Variants in NPAS1 observed in about 807,000 individuals in gnomAD.
The protein encoded by NPAS1 is neuronal PAS domain-containing protein 1.
NPAS1 carries 29 observed loss-of-function variants against 49.2 expected under a neutral mutation model. That is an observed-to-expected ratio of 0.59 (90% CI 0.44 to 0.80). NPAS1 has a LOEUF of 0.80. Among genes scored for constraint, NPAS1 ranks in the 30% least tolerant of loss-of-function variants. The pLI is 0.00. For missense variants in NPAS1, 825 were observed against 835.5 expected, an observed-to-expected ratio of 0.99 and a Z score of 0.15; for synonymous variants, 408 against 380.4, an observed-to-expected ratio of 1.07 and a Z score of -0.84.
Position 47,036,041 on chromosome 19 carries a change from G to A in NPAS1, c.600G>A (p.Leu200=), listed in dbSNP as rs1364361385. The A allele has an allele frequency of 1.9e-6, 3 of 1,605,514 alleles. No individual in the cohort carries two copies. The highest frequency in any genetic ancestry group is 1.7e-5 in the Admixed American group (1 of 58,960). The change falls in exon 6 of 12, where the codon CTG becomes CTA. Residue 200 remains leucine (L), a synonymous_variant. Coordinates refer to ENST00000602212, the MANE Select transcript of NPAS1 (RefSeq NM_002517.4). ...CAGAGGTGCTGGAGCAACTGGGGCT[G>A]CGGACGCCGACGCCCGGCCCCCCAA... ...DHSEVLEQLG[L]RTPTPGPPTP...
rs1475973782 is a variant in NPAS1, at chr19:47,045,364, T to A, written c.1486T>A (p.Ser496Thr). Residue 496 changes from serine (S) to threonine (T), a missense_variant, in exon 12 of 12, where the codon TCT (serine) becomes ACT (threonine). Ser to Thr is a moderately conservative substitution (Grantham distance 58). Coordinates refer to ENST00000602212, the MANE Select transcript of NPAS1 (RefSeq NM_002517.4). ...GGCCACACCGAGGCCCGAGTTCACC[T>A]CTGTCATCCGGGCAGGGGTCCTGAA... is the stretch of plus-strand genomic sequence containing the variant. ...HPATPRPEFT[S>T]VIRAGVLKQD... 6.2e-7 allele frequency: 1 copy of A among 1,613,594 alleles called. No individual in the cohort carries two copies. Among genetic ancestry groups the A allele is most frequent in the Non-Finnish European group, 8.5e-7 (1 of 1,179,926 alleles).
intron 6 of NPAS1, among the ~76,000 whole-genome samples, chr19:47,038,151 T>C (rs1311310987): frequency 6.6e-6 from 1 of 152,172 alleles, no homozygotes; most frequent in African/African-American, 2.4e-5. Context: ...AGAGGTGGGC[T>C]TTCCTCTCAA....
chr19:47,025,639 G>A (rs1387720621), intron 3 of NPAS1, among the ~76,000 whole-genome samples: 3 of 152,034 alleles, frequency 2.0e-5, no homozygotes, highest in Non-Finnish European at 2.9e-5. Context: ...GCAGTGGTGC[G>A]ATCTTGGCTC....
At chr19:47,024,143 C>T (rs189663656) in intron 3 of NPAS1, among the ~76,000 whole-genome samples, 11 of 151,836 alleles carry the variant, frequency 7.2e-5, no homozygotes, top group Admixed American at 3.3e-4. Context: ...ATAAATTAGC[C>T]AGGTTTGGTG....
intron 5 of NPAS1, chr19:47,035,496 T>C (rs979957327): frequency 6.4e-6 from 1 of 156,338 alleles, no homozygotes; most frequent in African/African-American, 2.4e-5. Flanking sequence ...GGAGAGAGAT[T>C]TACGGGTAGA....
rs550801579 is a variant in NPAS1 at position 47,039,909 on chromosome 19, G to A, written c.962+345G>A. On this transcript the variant is annotated intron_variant, in intron 8 of 11. Coordinates refer to ENST00000602212, the MANE Select transcript of NPAS1 (RefSeq NM_002517.4). ...TTCCTCTCCTGCATCCCGCAGTGGAGGCAAATTAAGTGCTGAAATAGTCCC... is the reference window on the plus strand; with the variant it reads ...TTCCTCTCCTGCATCCCGCAGTGGAAGCAAATTAAGTGCTGAAATAGTCCC... Among the ~76,000 whole-genome samples, 9 of 148,544 alleles carry A rather than the reference G, an allele frequency of 6.1e-5. No homozygotes were observed. In the East Asian group the frequency reaches 1.9e-3, roughly 31 times the overall value.
intron 3 of NPAS1, among the ~76,000 whole-genome samples, chr19:47,027,305 G>GCTT: frequency 7.1e-6 from 1 of 139,988 alleles, no homozygotes; most frequent in Non-Finnish European, 1.6e-5. Context: ...AGAGGCCTTG[G>GCTT]CTTCTGCCTT....
In NPAS1 at chr19:47,042,897, GC is replaced by G; in HGVS notation, c.1308del (p.Thr437GlnfsTer67). 1 of 1,594,856 alleles carries G rather than the reference GC, an allele frequency of 6.3e-7. No homozygotes were observed. Among genetic ancestry groups the G allele is most frequent in the Admixed American group, 1.7e-5 (1 of 57,704 alleles). On this transcript the variant is annotated frameshift_variant, in exon 11 of 12. Coordinates refer to ENST00000602212, the MANE Select transcript of NPAS1 (RefSeq NM_002517.4). LOFTEE classifies it low-confidence loss of function (END_TRUNC). Reference sequence around the variant, plus strand: ...AGGAGGCATCCAGCCCGGGGCCAGAGCCCACAGGTGAGCCCCACCTCCCACC... The same window carrying G: ...AGGAGGCATCCAGCCCGGGGCCAGAGCCACAGGTGAGCCCCACCTCCCACC... The part of the protein sequence containing the change: ...CEEASSPGPE[P>X]TEPEPPTEGK...
intron 3 of NPAS1, among the ~76,000 whole-genome samples, chr19:47,029,924 A>G (rs1166433515): frequency 6.6e-6 from 1 of 152,248 alleles, no homozygotes; most frequent in Non-Finnish European, 1.5e-5. Context: ...CAGTGGCTGT[A>G]CAATTTTACA....
At chr19:47,036,717 CAA>C (rs57439342) in intron 6 of NPAS1, among the ~76,000 whole-genome samples, 26 of 131,118 alleles carry the variant, frequency 2.0e-4, no homozygotes, top group South Asian at 2.4e-4. Flanking sequence ...ACTAAAAATA[CAA>C]AAAAAAAAAA....
rs1265737005 is a variant in NPAS1 at position 47,021,058 on chromosome 19, C to T, written c.11C>T (p.Pro4Leu). The T allele has an allele frequency of 1.2e-6, 2 of 1,606,332 alleles. No individual in the cohort carries two copies. Among genetic ancestry groups the T allele is most frequent in the Non-Finnish European group, 1.7e-6 (2 of 1,177,460 alleles). The change falls in exon 2 of 12, where the codon CCC becomes CTC. Residue 4 changes from proline (P) to leucine (L), a missense_variant. By Grantham distance (98) the Pro-to-Leu change is moderately conservative. Transcript: ENST00000602212. This position sits in a 1 kb window ranked among gnomAD's most constrained non-coding sequence, Gnocchi z 5.7. ...GCGAGCCCCCCGGAGATGGCGGCCC[C>T]CTATCCCGGCAGTGGCGGCGGAAGC... Reference protein sequence around the residue: MAAPYPGSGGGSEV... With the variant: MAALYPGSGGGSEV...
At chr19:47,040,847 C>T in intron 9 of NPAS1, 131 bp from the exon 10 acceptor site, 1 of 767,172 alleles carries the variant, frequency 1.3e-6, no homozygotes, top group East Asian at 2.9e-5. Context: ...TCACCTTTTT[C>T]TCTTCTCCCC....
intron 11 of NPAS1, 106 bp from the exon 12 acceptor site, chr19:47,045,085 C>T (rs1227346754): frequency 8.3e-6 from 9 of 1,078,682 alleles, no homozygotes; most frequent in Non-Finnish European, 9.4e-6. Flanking sequence ...AACCCCACTC[C>T]CAGCTGAGAA....
In NPAS1 at chr19:47,021,162, G is replaced by T; in HGVS notation, c.115G>T (p.Gly39Ter). The T allele has an allele frequency of 6.3e-7, 1 of 1,582,844 alleles. No individual in the cohort carries two copies. Among genetic ancestry groups the T allele is most frequent in the Non-Finnish European group, 8.6e-7 (1 of 1,166,602 alleles). Residue 39 changes from glycine to a stop codon, truncating the protein, a stop_gained, in exon 2 of 12, where the codon GGA (glycine) becomes TGA (stop). Transcript: ENST00000602212. LOFTEE classifies it high-confidence loss of function. The surrounding 1 kb of genome is among the most constrained non-coding windows in gnomAD (Gnocchi z 5.7). ...LPGLMVKAPS[G>*]PCLQAQRKEK... ...CGGGCTGATGGTCAAGGCGCCGTCC[G>T]GACCGTGGTGAGCAAAGCCCCGCCC...
At position 47,021,506 on chromosome 19, in the gene NPAS1, A is replaced by G. The variant is rs1233553901; in HGVS notation, c.123-106A>G. On this transcript the variant is annotated intron_variant, in intron 2 of 11. Transcript: ENST00000602212. The surrounding 1 kb of genome is among the most constrained non-coding windows in gnomAD (Gnocchi z 5.7). ...TCCAGAGATGTGGAATCCACTCCCA[A>G]CGTCCCGTCCCGTTCCCAAGGCCCC... 1.5e-5 allele frequency: 11 copies of G among 735,436 alleles called. No individual in the cohort carries two copies. The East Asian group carries it at 1.9e-4, about 13-fold the overall frequency. 45.6% of individuals were successfully genotyped at this position (735,436 alleles called of 1,614,324 possible).
rs534971289 is a variant in NPAS1 at position 47,026,720 on chromosome 19, C to T, written c.358+4873C>T. The stretch of plus-strand genomic sequence containing the variant: ...CTGTAATCCCAGCACTTTGTGAGGC[C>T]GAGGCAGGTGGATCACCTGAGGTCA... On this transcript the variant is annotated intron_variant, in intron 3 of 11. Coordinates refer to ENST00000602212, the MANE Select transcript of NPAS1 (RefSeq NM_002517.4). Among the ~76,000 whole-genome samples the T allele has an allele frequency of 7.9e-5, 12 of 151,954 alleles. No individual in the cohort carries two copies. The East Asian group carries it at 1.2e-3, about 15-fold the overall frequency.
chr19:47,040,335 C>A, intron 8 of NPAS1, 109 bp from the exon 9 acceptor site: 1 of 690,132 alleles, frequency 1.4e-6, no homozygotes, highest in Non-Finnish European at 2.5e-6. Flanking sequence ...ACTGTTATTG[C>A]ACCCATTTTA....
Position 47,025,638 on chromosome 19 carries a change from C to T in NPAS1, c.358+3791C>T, listed in dbSNP as rs374667253. Among the ~76,000 whole-genome samples, 42 of 151,954 alleles carry T rather than the reference C, an allele frequency of 2.8e-4. 1 individual carries two copies. Among genetic ancestry groups the T allele is most frequent in the African/African-American group, 8.2e-4 (34 of 41,354 alleles). ...TCGCCCAGGCTGGAATGCAGTGGTG[C>T]GATCTTGGCTCACTGCAGCCTCCAC... On this transcript the variant is annotated intron_variant, in intron 3 of 11. Transcript: ENST00000602212.
intron 5 of NPAS1, 73 bp from the exon 6 acceptor site, chr19:47,035,891 T>A (rs924772619): frequency 1.4e-6 from 2 of 1,432,402 alleles, no homozygotes; most frequent in South Asian, 1.5e-5. Flanking sequence ...GAGGCAAGGC[T>A]GAGCCCAGAG....
Sources: allele counts gnomAD v4.1 joint callset (sites outside exome capture counted in the v4.1 genomes callset), GRCh38; gene constraint gnomAD v4.1.1; non-coding constraint Gnocchi (gnomAD v3.1); transcripts MANE v1.5; gene names NCBI Gene and HGNC (gene_info 2026-07-23, HGNC 2026-07-21).